MINDY3: variants seen among roughly 807,000 people sequenced by gnomAD.
MINDY3 encodes ubiquitin carboxyl-terminal hydrolase MINDY-3.
In MINDY3, 38 loss-of-function variants were observed where a neutral mutation model predicts 69.2. That is an observed-to-expected ratio of 0.55 (90% confidence interval 0.42 to 0.72). The LOEUF (loss-of-function observed/expected upper bound fraction) is 0.72, where lower values mean the gene tolerates loss of function less well. MINDY3 is among the 30% of genes least tolerant of loss of function. MINDY3 has a pLI of 0.00. For synonymous variants in MINDY3, 192 were observed against 180.1 expected, an observed-to-expected ratio of 1.07 and a Z score of -0.53; for missense variants, 522 against 519.0, an observed-to-expected ratio of 1.01 and a Z score of -0.06.
At chr10:15,801,570 C>T (rs1012888321) in intron 10 of MINDY3, among the ~76,000 whole-genome samples, 1 of 152,066 alleles carries the variant, frequency 6.6e-6, no homozygotes, top group Non-Finnish European at 1.5e-5. Context: ...CCCTCAAACA[C>T]AACATCACTA....
At chr10:15,797,742 T>C (rs1274827042) in intron 10 of MINDY3, among the ~76,000 whole-genome samples, 1 of 152,148 alleles carries the variant, frequency 6.6e-6, no homozygotes, top group Non-Finnish European at 1.5e-5. Flanking sequence ...TATAATTAAC[T>C]CTTATGCCAA....
At chr10:15,810,305 A>G (rs1467278125) in intron 10 of MINDY3, among the ~76,000 whole-genome samples, 3 of 152,188 alleles carry the variant, frequency 2.0e-5, no homozygotes, top group Non-Finnish European at 2.9e-5. Context: ...CAGATAGTTA[A>G]GAGGTTATTT....
At chr10:15,780,376 A>G (rs1180547646) in intron 14 of MINDY3, among the ~76,000 whole-genome samples, 2 of 152,182 alleles carry the variant, frequency 1.3e-5, no homozygotes, top group East Asian at 3.8e-4. Context: ...CATTGAAACT[A>G]CAACTCGGGC....
intron 1 of MINDY3, among the ~76,000 whole-genome samples, chr10:15,858,458 CTT>C (rs1309590262): frequency 2.0e-5 from 3 of 152,168 alleles, no homozygotes; most frequent in Non-Finnish European, 4.4e-5. Flanking sequence ...CAATTAAACA[CTT>C]TTTAAAATAA....
rs955576978 is a variant in MINDY3 at position 15,838,416 on chromosome 10, C to A, written c.410-137G>T. The A allele has an allele frequency of 8.6e-6, 5 of 579,712 alleles. No homozygotes were observed. The Admixed American group carries it at 1.5e-4, about 17-fold the overall frequency. 35.9% of individuals were successfully genotyped at this position (579,712 alleles called of 1,614,324 possible). ...TCCCTTAAAATTCTCAGTTTATTTT[C>A]AACTTCATTATAACATGAATTTATA... is the stretch of plus-strand genomic sequence containing the variant. On this transcript the variant is annotated intron_variant, in intron 4 of 14. Coordinates refer to ENST00000277632, the MANE Select transcript of MINDY3 (RefSeq NM_024948.4).
intron 10 of MINDY3, among the ~76,000 whole-genome samples, chr10:15,811,148 T>A (rs971523617): frequency 1.1e-4 from 17 of 152,048 alleles, no homozygotes; most frequent in African/African-American, 4.1e-4. Flanking sequence ...AGGTTAGGAA[T>A]AAGGGTAGAG....
chr10:15,851,809 T>C (rs1436140808), intron 1 of MINDY3, among the ~76,000 whole-genome samples: 1 of 152,170 alleles, frequency 6.6e-6, no homozygotes, highest in African/African-American at 2.4e-5. Flanking sequence ...AACATTTCAG[T>C]GGCTTCTCAT....
At position 15,809,177 on chromosome 10, in the gene MINDY3, A is replaced by C. The variant is rs146759173; in HGVS notation, c.882+7658T>G. Among the ~76,000 whole-genome samples, 148 of 152,296 alleles carry C rather than the reference A, an allele frequency of 9.7e-4. 1 individual carries two copies. Among genetic ancestry groups the C allele is most frequent in the African/African-American group, 3.5e-3 (145 of 41,576 alleles). On this transcript the variant is annotated intron_variant, in intron 10 of 14. Coordinates refer to ENST00000277632, the MANE Select transcript of MINDY3 (RefSeq NM_024948.4). ...AATAAAAGATGAAGAATCAATGAGG[A>C]AAACGATGGTTAGGGAGAAAATAGA...
At chr10:15,809,623 T>C (rs1416543568) in intron 10 of MINDY3, among the ~76,000 whole-genome samples, 1 of 152,106 alleles carries the variant, frequency 6.6e-6, no homozygotes, top group Non-Finnish European at 1.5e-5. Context: ...CGTACTGCAT[T>C]TCACCTCACC....
At chr10:15,809,303 G>A (rs911800657) in intron 10 of MINDY3, among the ~76,000 whole-genome samples, 1 of 152,148 alleles carries the variant, frequency 6.6e-6, no homozygotes, top group Non-Finnish European at 1.5e-5. Context: ...ATGTTACACA[G>A]CCTTCATCTA....
At chr10:15,781,756 A>C (rs897171414) in intron 14 of MINDY3, among the ~76,000 whole-genome samples, 3 of 152,186 alleles carry the variant, frequency 2.0e-5, no homozygotes, top group Non-Finnish European at 4.4e-5. Context: ...AATGCTCAAT[A>C]TATGCTGACT....
At chr10:15,838,388 T>TA in intron 4 of MINDY3, 109 bp from the exon 5 acceptor site, 4 of 862,432 alleles carry the variant, frequency 4.6e-6, no homozygotes, top group Non-Finnish European at 6.7e-6. Context: ...CCTATTTCCT[T>TA]ACTCCCTTAA....
At chr10:15,854,670 A>G (rs76518753) in intron 1 of MINDY3, among the ~76,000 whole-genome samples, 5,355 of 152,164 alleles carry the variant, frequency 0.035, 287 homozygotes, top group African/African-American at 0.12. Context: ...TGTTAATTCC[A>G]AAAAACATAA....
At chr10:15,854,701 CTGAGGG>C (rs1834567931) in intron 1 of MINDY3, among the ~76,000 whole-genome samples, 4 of 152,056 alleles carry the variant, frequency 2.6e-5, no homozygotes, top group Non-Finnish European at 5.9e-5. Flanking sequence ...AAGAGAAGCA[CTGAGGG>C]CTCAGCTAAG....
chr10:15,782,459 G>A, intron 13 of MINDY3: 1 of 452,684 alleles, frequency 2.2e-6, no homozygotes, highest in Admixed American at 4.1e-5. Flanking sequence ...TCCATTATAA[G>A]CTCTTCAGAA....
intron 10 of MINDY3, among the ~76,000 whole-genome samples, chr10:15,810,510 G>C (rs756540373): frequency 2.0e-5 from 3 of 152,132 alleles, no homozygotes; most frequent in Non-Finnish European, 2.9e-5. Context: ...CTCCATGTAA[G>C]ATAGAGATCT....
At chr10:15,801,686 G>A (rs770554056) in intron 10 of MINDY3, among the ~76,000 whole-genome samples, 1 of 152,060 alleles carries the variant, frequency 6.6e-6, no homozygotes, top group Non-Finnish European at 1.5e-5. Context: ...AACCGCAACA[G>A]CAAGAACAAC....
chr10:15,807,419 C>T (rs578260270), intron 10 of MINDY3, among the ~76,000 whole-genome samples: 1 of 152,252 alleles, frequency 6.6e-6, no homozygotes, highest in South Asian at 2.1e-4. Context: ...TAAGCGTATT[C>T]TGGGCAGAGG....
intron 13 of MINDY3, among the ~76,000 whole-genome samples, chr10:15,785,546 A>T (rs1245551137): frequency 6.6e-6 from 1 of 152,158 alleles, no homozygotes; most frequent in Non-Finnish European, 1.5e-5. Context: ...TAATCCAGAT[A>T]TCCAGTCAGA....
Sources: gnomAD v4.1 joint callset for allele counts (sites outside exome capture counted in the v4.1 genomes callset) on GRCh38, gnomAD v4.1.1 for gene constraint, MANE v1.5 for transcripts, NCBI Gene and HGNC (gene_info 2026-07-23, HGNC 2026-07-21) for gene names.